Variants in PLS1 observed in about 807,000 individuals in gnomAD.
PLS1 encodes plastin 1.
A neutral mutation model predicts 73.7 loss-of-function variants in PLS1; 32 were observed. The observed-to-expected ratio is 0.43, with a 90% CI of 0.33 to 0.58. The LOEUF is 0.58. Among genes scored for constraint, PLS1 ranks in the 20% least tolerant of loss-of-function variants. The pLI is 0.04. For synonymous variants in PLS1, 217 were observed against 261.3 expected, an observed-to-expected ratio of 0.83 and a Z score of 1.63; for missense variants, 633 against 740.5, an observed-to-expected ratio of 0.85 and a Z score of 1.68.
intron 4 of PLS1, among the ~76,000 whole-genome samples, chr3:142,675,706 C>G (rs2037708171): frequency 6.6e-6 from 1 of 151,070 alleles, no homozygotes; most frequent in Non-Finnish European, 1.5e-5. Context: ...GAAAGGGTCT[C>G]TCTTTGTGGC....
At position 142,669,534 on chromosome 3, in the gene PLS1, G is replaced by A. The variant is rs761351087; in HGVS notation, c.215G>A (p.Ser72Asn). Residue 72 changes from serine to asparagine, a missense_variant, in exon 3 of 16, where the codon AGT (serine) becomes AAT (asparagine). By Grantham distance (46) the Ser-to-Asn change is conservative. Coordinates refer to ENST00000457734, the MANE Select transcript of PLS1 (RefSeq NM_001145319.2). ...GACAGCAACAAAGATGGCAAAATCA[G>A]TTTTGAAGAGTTTGTGTCAGTAAGT... ...VADSNKDGKI[S>N]FEEFVSLMQE... The A allele has an allele frequency of 4.3e-6, 7 of 1,612,720 alleles. No homozygotes were observed. The highest frequency in any genetic ancestry group is 5.9e-6 in the Non-Finnish European group (7 of 1,179,156).
intron 4 of PLS1, among the ~76,000 whole-genome samples, chr3:142,674,431 T>C (rs1312110167): frequency 6.6e-6 from 1 of 152,176 alleles, no homozygotes; most frequent in Non-Finnish European, 1.5e-5. Flanking sequence ...AATTACTTAA[T>C]TCTAGGAACT....
intron 1 of PLS1, among the ~76,000 whole-genome samples, chr3:142,654,227 A>C (rs1362390861): frequency 2.0e-5 from 3 of 152,118 alleles, no homozygotes; most frequent in Non-Finnish European, 4.4e-5. Flanking sequence ...TTGCTAGAAG[A>C]TTTCTTTGTT....
Position 142,713,492 on chromosome 3 carries a change from C to T in PLS1, c.*1485C>T, listed in dbSNP as rs550342275. 6.6e-6 allele frequency: 1 copy of T among 152,248 alleles called. No homozygotes were observed. Among genetic ancestry groups the T allele is most frequent in the Non-Finnish European group, 1.5e-5 (1 of 67,936 alleles). The allele number at this position is 152,248 out of a possible 1,614,324, so 9.4% of individuals were successfully genotyped here. A position where few individuals can be genotyped will look rare whatever the true frequency, so the allele number is the denominator to read the frequency against. On this transcript the variant is annotated 3_prime_UTR_variant, in exon 16 of 16. Transcript: ENST00000457734. ...CCTTTTATATTTTGATGATTGTTTTCTTAAGATTAAGATATGTTCTTGCTC... is the reference window on the plus strand; with the variant it reads ...CCTTTTATATTTTGATGATTGTTTTTTTAAGATTAAGATATGTTCTTGCTC...
intron 6 of PLS1, among the ~76,000 whole-genome samples, chr3:142,681,784 G>C (rs953883216): frequency 6.6e-6 from 1 of 152,154 alleles, no homozygotes; most frequent in Non-Finnish European, 1.5e-5. Context: ...TAGTGTGGCC[G>C]TTCCATTCCC....
At chr3:142,600,767 C>T (rs1020992751) in intron 1 of PLS1, among the ~76,000 whole-genome samples, 3 of 149,604 alleles carry the variant, frequency 2.0e-5, no homozygotes, top group Admixed American at 6.7e-5. Context: ...CCACAGGCAA[C>T]GATGGTCCAT....
intron 1 of PLS1, among the ~76,000 whole-genome samples, chr3:142,620,697 C>T (rs187336153): frequency 3.9e-5 from 6 of 152,224 alleles, no homozygotes; most frequent in South Asian, 2.1e-4. Flanking sequence ...AAAATACTTA[C>T]GCCTCAAATA....
intron 1 of PLS1, among the ~76,000 whole-genome samples, chr3:142,626,595 T>A (rs2036435198): frequency 6.6e-6 from 1 of 152,254 alleles, no homozygotes; most frequent in African/African-American, 2.4e-5. Context: ...TATTAATGAG[T>A]GAGTATAAAG....
intron 9 of PLS1, among the ~76,000 whole-genome samples, chr3:142,687,156 A>C (rs2037986930): frequency 6.6e-6 from 1 of 151,978 alleles, no homozygotes; most frequent in Admixed American, 6.6e-5. Context: ...TCCCTGGGCC[A>C]CATTAGAAGA....
chr3:142,695,030 CATT>C (rs2038164671), intron 11 of PLS1, among the ~76,000 whole-genome samples: 1 of 152,030 alleles, frequency 6.6e-6, no homozygotes, highest in African/African-American at 2.4e-5. Flanking sequence ...ACATTATTGA[CATT>C]AGTAGGGCTA....
At chr3:142,608,771 C>T (rs1391862245) in intron 1 of PLS1, among the ~76,000 whole-genome samples, 2 of 152,214 alleles carry the variant, frequency 1.3e-5, no homozygotes, top group Non-Finnish European at 2.9e-5. Flanking sequence ...GTCCGGTTAA[C>T]AGCATACCTG....
At chr3:142,679,465 G>A (rs1158593038) in intron 6 of PLS1, among the ~76,000 whole-genome samples, 2 of 151,916 alleles carry the variant, frequency 1.3e-5, no homozygotes, top group Non-Finnish European at 2.9e-5. Flanking sequence ...GTGTAAGGAA[G>A]GGATCCAGTT....
At chr3:142,667,635 C>G (rs896605473) in intron 2 of PLS1, among the ~76,000 whole-genome samples, 112 of 152,320 alleles carry the variant, frequency 7.4e-4, no homozygotes, top group Non-Finnish European at 2.9e-5. Context: ...AGGGATGGAG[C>G]CTGGGAGCTT....
chr3:142,675,596 A>G lies in PLS1; in HGVS notation c.365-561A>G, dbSNP rs577107858. 9.9e-5 allele frequency among the ~76,000 whole-genome samples: 15 copies of G among 152,008 alleles called. No individual in the cohort carries two copies. The South Asian group carries it at 2.9e-3, about 29-fold the overall frequency. ...GAGATGAGGTTTTAACATGTTGGCCAGGATGGTCTTGCTCTCTTGACCTCG... is the reference window on the plus strand; with the variant it reads ...GAGATGAGGTTTTAACATGTTGGCCGGGATGGTCTTGCTCTCTTGACCTCG... On this transcript the variant is annotated intron_variant, in intron 4 of 15. Coordinates refer to ENST00000457734, the MANE Select transcript of PLS1 (RefSeq NM_001145319.2).
At chr3:142,621,507 A>G (rs2108561890) in intron 1 of PLS1, among the ~76,000 whole-genome samples, 1 of 152,350 alleles carries the variant, frequency 6.6e-6, no homozygotes, top group African/African-American at 2.4e-5. Flanking sequence ...TGAAGCATGA[A>G]AGGCATACTT....
At position 142,611,640 on chromosome 3, in the gene PLS1, T is replaced by C. The variant is rs532553452; in HGVS notation, c.-37+15131T>C. Among the ~76,000 whole-genome samples the C allele has an allele frequency of 3.3e-5, 5 of 152,208 alleles. No individual in the cohort carries two copies. In the South Asian group the frequency reaches 8.3e-4, roughly 25 times the overall value. On this transcript the variant is annotated intron_variant, in intron 1 of 15. Coordinates refer to ENST00000457734, the MANE Select transcript of PLS1 (RefSeq NM_001145319.2). ...TTGTCTCCCCAAAATTTTTTAAAAATAGTACGTATATAGTATTATATATAG... is the reference window on the plus strand; with the variant it reads ...TTGTCTCCCCAAAATTTTTTAAAAACAGTACGTATATAGTATTATATATAG...
chr3:142,692,183 A>G (rs1207263182), intron 10 of PLS1, among the ~76,000 whole-genome samples: 1 of 152,110 alleles, frequency 6.6e-6, no homozygotes, highest in African/African-American at 2.4e-5. Flanking sequence ...AGTGTTAAAT[A>G]TATGTTAACT....
intron 1 of PLS1, among the ~76,000 whole-genome samples, chr3:142,598,552 T>G (rs2035852923): frequency 6.6e-6 from 1 of 152,002 alleles, no homozygotes; most frequent in Non-Finnish European, 1.5e-5. Flanking sequence ...AGCCTGTGAC[T>G]CAAAGTGGAG....
chr3:142,647,863 T>C (rs1391197821), intron 1 of PLS1, among the ~76,000 whole-genome samples: 1 of 152,208 alleles, frequency 6.6e-6, no homozygotes, highest in Non-Finnish European at 1.5e-5. Flanking sequence ...GTACAGGGGT[T>C]CTAGTTCATT....
Sources: allele counts gnomAD v4.1 joint callset (sites outside exome capture counted in the v4.1 genomes callset), GRCh38; gene constraint gnomAD v4.1.1; transcripts MANE v1.5; gene names NCBI Gene and HGNC (gene_info 2026-07-23, HGNC 2026-07-21).